PDE4D: variants seen among roughly 807,000 people sequenced by gnomAD.
PDE4D encodes 3',5'-cyclic-AMP phosphodiesterase 4D.
In PDE4D, 24 loss-of-function variants were observed where a neutral mutation model predicts 87.4. That is an observed-to-expected ratio of 0.27 (90% CI 0.20 to 0.39). The LOEUF is 0.39. Among genes scored for constraint, PDE4D ranks in the 10% least tolerant of loss-of-function variants. PDE4D has a pLI of 1.00. For synonymous variants in PDE4D, 384 were observed against 383.2 expected (o/e 1.00, Z -0.02); for missense variants, 714 against 1,041.0 (o/e 0.69, Z 4.32).
intron 1 of PDE4D, among the ~76,000 whole-genome samples, chr5:59,660,166 G>A (rs79912807): frequency 0.072 from 10,878 of 151,936 alleles, 1,199 homozygotes; most frequent in African/African-American, 0.24. Context: ...TCCAGCCTGG[G>A]CAACAGAGTC....
chr5:59,810,231 T>C (rs1478200621), intron 1 of PDE4D, among the ~76,000 whole-genome samples: 2 of 152,210 alleles, frequency 1.3e-5, no homozygotes, highest in African/African-American at 4.8e-5. Context: ...CAAAGCTGTC[T>C]TTCCGTAAAA....
At chr5:59,288,803 T>C (rs1767468329) in intron 1 of PDE4D, among the ~76,000 whole-genome samples, 2 of 151,970 alleles carry the variant, frequency 1.3e-5, no homozygotes, top group Admixed American at 1.3e-4. Flanking sequence ...TTCACAGTGC[T>C]AAAGGGAAAA....
At chr5:60,104,805 G>T (rs1029116943) in intron 2 of PDE4D, among the ~76,000 whole-genome samples, 39 of 152,306 alleles carry the variant, frequency 2.6e-4, no homozygotes, top group Admixed American at 1.7e-3. Flanking sequence ...TGAGGGTCCT[G>T]TCTCTTAGAA....
chr5:60,365,367 G>T (rs1760429374), intron 1 of PDE4D, among the ~76,000 whole-genome samples: 1 of 152,136 alleles, frequency 6.6e-6, no homozygotes, highest in Non-Finnish European at 1.5e-5. Context: ...AAAGCTGCAT[G>T]TTTGCCTTTC....
intron 1 of PDE4D, among the ~76,000 whole-genome samples, chr5:60,339,537 G>A (rs142800820): frequency 5.9e-5 from 9 of 152,282 alleles, no homozygotes; most frequent in African/African-American, 1.9e-4. Context: ...GGACACGGTT[G>A]ACTGCAGGTA....
chr5:59,708,375 A>G (rs1415287682), intron 1 of PDE4D, among the ~76,000 whole-genome samples: 1 of 152,196 alleles, frequency 6.6e-6, no homozygotes, highest in African/African-American at 2.4e-5. Flanking sequence ...CAAGGAATAC[A>G]GGAGCTGATT....
intron 3 of PDE4D, among the ~76,000 whole-genome samples, chr5:59,957,216 TA>T (rs1447450729): frequency 4.6e-5 from 7 of 152,164 alleles, no homozygotes; most frequent in Admixed American, 2.0e-4. Context: ...TAATTATTAT[TA>T]TTTTTTTTGG....
intron 1 of PDE4D, among the ~76,000 whole-genome samples, chr5:59,372,215 T>C (rs934928198): frequency 6.6e-6 from 1 of 152,224 alleles, no homozygotes; most frequent in African/African-American, 2.4e-5. Context: ...ACGTGTCTCA[T>C]AGCTTTATCT....
At chr5:60,483,894 T>A (rs1040291936) in intron 1 of PDE4D, among the ~76,000 whole-genome samples, 2 of 152,188 alleles carry the variant, frequency 1.3e-5, no homozygotes, top group Non-Finnish European at 2.9e-5. Context: ...TGCTTTAGCA[T>A]AACCAATATT....
intron 1 of PDE4D, chr5:59,586,368 T>C (rs749039864): frequency 1.9e-6 from 3 of 1,613,000 alleles, no homozygotes; most frequent in Admixed American, 3.3e-5. Context: ...ATTATTCACG[T>C]GCATCATGTT....
chr5:60,057,848 T>G (rs1379022111), intron 2 of PDE4D, among the ~76,000 whole-genome samples: 1 of 152,020 alleles, frequency 6.6e-6, no homozygotes. Context: ...CAACATAGCA[T>G]TACAACTGAC....
chr5:60,108,856 A>C (rs1006174495), intron 2 of PDE4D, among the ~76,000 whole-genome samples: 7 of 152,044 alleles, frequency 4.6e-5, no homozygotes, highest in African/African-American at 1.7e-4. Context: ...TACAAAAATC[A>C]ATTCAAGATG....
intron 3 of PDE4D, among the ~76,000 whole-genome samples, chr5:59,905,530 G>A (rs147919749): frequency 6.6e-6 from 1 of 152,118 alleles, no homozygotes; most frequent in African/African-American, 2.4e-5. Context: ...CAGCCAGAAC[G>A]CCCTGAGTTT....
chr5:60,178,450 T>C (rs761142210), intron 2 of PDE4D, among the ~76,000 whole-genome samples: 1 of 152,110 alleles, frequency 6.6e-6, no homozygotes, highest in African/African-American at 2.4e-5. Context: ...AAAAAACAAT[T>C]GGAAACTTTT....
chr5:59,275,275 A>G (rs1368238278), intron 1 of PDE4D: 2 of 1,280,652 alleles, frequency 1.6e-6, no homozygotes, highest in African/African-American at 3.0e-5. Flanking sequence ...CTTACTAAAT[A>G]CTCAAGGAGT....
intron 1 of PDE4D, among the ~76,000 whole-genome samples, chr5:60,431,399 C>T (rs1474100821): frequency 1.5e-5 from 2 of 131,898 alleles, no homozygotes; most frequent in Non-Finnish European, 3.2e-5. Context: ...CAGACGGGTT[C>T]GCGGCCGGGT....
intron 1 of PDE4D, among the ~76,000 whole-genome samples, chr5:59,738,570 A>G (rs1758406928): frequency 6.6e-6 from 1 of 152,052 alleles, no homozygotes; most frequent in African/African-American, 2.4e-5. Context: ...TGGGAAGGAA[A>G]GGTGATAGAA....
intron 2 of PDE4D, among the ~76,000 whole-genome samples, chr5:60,044,634 G>C (rs1035332538): frequency 6.6e-6 from 1 of 151,836 alleles, no homozygotes; most frequent in African/African-American, 2.4e-5. Context: ...TTGTTCTTGC[G>C]ATAGTTTACT....
rs1019132465 is a variant in PDE4D, at chr5:60,442,020, A to G, written c.-90+45922T>C. Among the ~76,000 whole-genome samples, 4 of 152,132 alleles carry G rather than the reference A, an allele frequency of 2.6e-5. No individual in the cohort carries two copies. In the East Asian group the frequency reaches 7.7e-4, roughly 29 times the overall value. The stretch of plus-strand genomic sequence containing the variant: ...GTGTAAATTAGTTCAATCATTGTGG[A>G]AGACAGTGTGGTGATCCCTCAAGGA... On this transcript the variant is annotated intron_variant, in intron 1 of 16. Coordinates refer to the PDE4D transcript ENST00000502484.
Sources: gnomAD v4.1 joint callset for allele counts (sites outside exome capture counted in the v4.1 genomes callset) on GRCh38, gnomAD v4.1.1 for gene constraint, MANE v1.5 for transcripts, NCBI Gene and HGNC (gene_info 2026-07-23, HGNC 2026-07-21) for gene names.